The following PLCH1 variants were observed in gnomAD, a reference collection of about 807,000 sequenced individuals.
PLCH1 encodes the protein phospholipase C eta 1, also known as 1-phosphatidylinositol 4,5-bisphosphate phosphodiesterase eta-1.
In PLCH1, 60 loss-of-function variants were observed where a neutral mutation model predicts 126.7. The observed-to-expected ratio is 0.47, with a 90% CI of 0.38 to 0.59. PLCH1 has a LOEUF of 0.59. Among genes scored for constraint, PLCH1 ranks in the 20% least tolerant of loss-of-function variants. The pLI is 0.00. For missense variants in PLCH1, 1,723 were observed against 2,040.0 expected (o/e 0.84, Z 2.99); for synonymous variants, 719 against 734.9 (o/e 0.98, Z 0.35).
At chr3:155,679,685 C>G (rs909153309) in intron 2 of PLCH1, among the ~76,000 whole-genome samples, 2 of 152,170 alleles carry the variant, frequency 1.3e-5, no homozygotes, top group African/African-American at 2.4e-5. Flanking sequence ...AACCTACTGA[C>G]GCAAACCTAG....
At chr3:155,595,966 T>C (rs1732923398) in intron 3 of PLCH1, among the ~76,000 whole-genome samples, 1 of 127,122 alleles carries the variant, frequency 7.9e-6, no homozygotes, top group Non-Finnish European at 1.7e-5. Flanking sequence ...TAAAACCATA[T>C]ATTCCAACTA....
At chr3:155,626,332 T>C (rs912887612) in intron 2 of PLCH1, among the ~76,000 whole-genome samples, 18 of 152,182 alleles carry the variant, frequency 1.2e-4, no homozygotes, top group Admixed American at 3.9e-4. Context: ...ATAAGACACA[T>C]ATTTCAATTT....
intron 2 of PLCH1, among the ~76,000 whole-genome samples, chr3:155,643,231 G>A (rs142619164): frequency 0.017 from 2,650 of 152,214 alleles, 43 homozygotes; most frequent in Middle Eastern, 0.048. Context: ...TTACAGACAT[G>A]AGCCACCAAA....
intron 1 of PLCH1, among the ~76,000 whole-genome samples, chr3:155,736,793 T>C (rs937830270): frequency 3.3e-5 from 5 of 152,338 alleles, no homozygotes; most frequent in African/African-American, 1.2e-4. Flanking sequence ...CAGTCTCCTA[T>C]TTCTACCAGT....
downstream of PLCH1, among the ~76,000 whole-genome samples, chr3:155,476,043 A>G (rs1713531952): frequency 1.3e-5 from 2 of 152,220 alleles, no homozygotes; most frequent in South Asian, 4.1e-4. Context: ...TGTGATGAAT[A>G]TTGATGCAAA....
chr3:155,596,858 T>C (rs889080549), intron 2 of PLCH1, among the ~76,000 whole-genome samples: 2 of 152,236 alleles, frequency 1.3e-5, no homozygotes, highest in African/African-American at 4.8e-5. Context: ...ATGTTACATA[T>C]TTGTGATGTT....
chr3:155,693,938 A>T (rs147569308), intron 2 of PLCH1, among the ~76,000 whole-genome samples: 118 of 152,266 alleles, frequency 7.7e-4, no homozygotes, highest in African/African-American at 2.7e-3. Context: ...CTTAAAAAAA[A>T]AAGAAAGAAA....
At chr3:155,692,990 A>G (rs447751) in intron 2 of PLCH1, among the ~76,000 whole-genome samples, 60,987 of 151,288 alleles carry the variant, frequency 0.4, 13,018 homozygotes, top group East Asian at 0.53. Flanking sequence ...CACCGTGTTA[A>G]CCAGGATGGT....
intron 10 of PLCH1, among the ~76,000 whole-genome samples, chr3:155,549,483 C>A (rs111387242): frequency 3.3e-5 from 5 of 152,152 alleles, no homozygotes; most frequent in Non-Finnish European, 7.3e-5. Context: ...GAACCTCACG[C>A]TCCTACACAC....
At chr3:155,484,205 C>T (rs1007348390) in intron 22 of PLCH1, among the ~76,000 whole-genome samples, 1 of 152,144 alleles carries the variant, frequency 6.6e-6, no homozygotes. Flanking sequence ...AACATTACCT[C>T]AAAATTGCTT....
intron 2 of PLCH1, among the ~76,000 whole-genome samples, chr3:155,608,771 G>T (rs1734700611): frequency 1.3e-5 from 2 of 152,120 alleles, no homozygotes; most frequent in African/African-American, 4.8e-5. Context: ...GCCTGCCCAG[G>T]TAGCTGAACA....
intron 21 of PLCH1, among the ~76,000 whole-genome samples, chr3:155,466,362 T>A (rs1223712584): frequency 6.6e-6 from 1 of 152,190 alleles, no homozygotes; most frequent in Non-Finnish European, 1.5e-5. Flanking sequence ...ATTCAGAGAA[T>A]TCTCCTGGAT....
In PLCH1 at chr3:155,494,551, G is replaced by A. The variant is rs142467611; in HGVS notation, c.1895-34C>T. ...TTTTAATCGAGAAAAAAGGAAGTGA[G>A]AACTACAGCAAAGAAAACACCACGC... On this transcript the variant is annotated intron_variant, in intron 15 of 22. Transcript: ENST00000460012. 393 of 1,542,142 alleles carry A rather than the reference G, an allele frequency of 2.5e-4. 1 individual carries two copies. In the African/African-American group the frequency reaches 4.9e-3, roughly 19 times the overall value.
chr3:155,589,288 G>A lies in PLCH1; in HGVS notation c.471-3094C>T, dbSNP rs370942416. Among the ~76,000 whole-genome samples, 462 of 152,166 alleles carry A rather than the reference G, an allele frequency of 3.0e-3. 2 individuals are homozygous for A. Among genetic ancestry groups the A allele is most frequent in the South Asian group, 0.02 (97 of 4,816 alleles). Reference sequence around the variant, plus strand: ...TCCACTCTGTCACTGTTATGAGAAAGCAGCCATACAGATATAAATGAATGA... The same window carrying A: ...TCCACTCTGTCACTGTTATGAGAAAACAGCCATACAGATATAAATGAATGA... On this transcript the variant is annotated intron_variant, in intron 4 of 22. Coordinates refer to ENST00000460012, the MANE Select transcript of PLCH1 (RefSeq NM_014996.4).
chr3:155,613,792 G>A (rs774008473), intron 2 of PLCH1, among the ~76,000 whole-genome samples: 3 of 145,022 alleles, frequency 2.1e-5, no homozygotes, highest in Non-Finnish European at 4.5e-5. Flanking sequence ...TACTACTGAA[G>A]TCCTAGTCAG....
At chr3:155,601,061 G>A (rs983926791) in intron 2 of PLCH1, among the ~76,000 whole-genome samples, 18 of 152,020 alleles carry the variant, frequency 1.2e-4, no homozygotes, top group Admixed American at 6.6e-4. Context: ...TGCAAGCTCC[G>A]CCTCCCGGGT....
At chr3:155,626,508 G>A (rs961400982) in intron 2 of PLCH1, among the ~76,000 whole-genome samples, 3 of 152,098 alleles carry the variant, frequency 2.0e-5, no homozygotes, top group Non-Finnish European at 4.4e-5. Flanking sequence ...TGTGGCTCAT[G>A]CCTGTAACCC....
At chr3:155,531,887 A>G (rs1722733669) in intron 10 of PLCH1, among the ~76,000 whole-genome samples, 2 of 152,214 alleles carry the variant, frequency 1.3e-5, no homozygotes, top group Admixed American at 6.5e-5. Context: ...GCTTAACGGA[A>G]TGTTGTAGCT....
intron 21 of PLCH1, among the ~76,000 whole-genome samples, chr3:155,471,337 T>C (rs1713218440): frequency 6.6e-6 from 1 of 152,110 alleles, no homozygotes. Context: ...AGAAGGCCAT[T>C]ACATAATGGT....
Sources: allele counts gnomAD v4.1 joint callset (sites outside exome capture counted in the v4.1 genomes callset), GRCh38; gene constraint gnomAD v4.1.1; transcripts MANE v1.5; gene names NCBI Gene and HGNC (gene_info 2026-07-23, HGNC 2026-07-21).